The following TENM3 variants were observed in gnomAD, a reference collection of about 807,000 sequenced individuals.
TENM3 encodes the protein teneurin-3.
Under a neutral mutation model 255.1 loss-of-function variants are expected in TENM3, and 63 were observed. The observed-to-expected ratio is 0.25, with a 90% CI of 0.20 to 0.30. The LOEUF (loss-of-function observed/expected upper bound fraction) is 0.30. TENM3 is among the 10% of genes least tolerant of loss of function. The probability of loss-of-function intolerance (pLI) is 1.00; values close to 1 mark genes in which losing one functional copy is unlikely to be tolerated. For missense variants in TENM3, 2,929 were observed against 3,461.1 expected (o/e 0.85, Z 3.86); for synonymous variants, 1,306 against 1,322.3 (o/e 0.99, Z 0.27).
intron 16 of TENM3, among the ~76,000 whole-genome samples, chr4:182,734,702 G>A (rs1164444456): frequency 6.6e-6 from 1 of 152,178 alleles, no homozygotes; most frequent in African/African-American, 2.4e-5. Context: ...AGGCCTGATG[G>A]TTTATTTTCC....
At chr4:181,851,579 C>T in the TENM3 span, among the ~76,000 whole-genome samples, 1 of 152,146 alleles carries the variant, frequency 6.6e-6, no homozygotes, top group East Asian at 1.9e-4. Flanking sequence ...TGTGCATGCA[C>T]ATATACACAC....
intron 3 of TENM3, among the ~76,000 whole-genome samples, chr4:182,424,914 C>T (rs184864797): frequency 2.7e-4 from 41 of 152,088 alleles, no homozygotes; most frequent in African/African-American, 9.9e-4. Context: ...TAGATAAGCC[C>T]CAATTGAGTA....
At chr4:182,774,823 C>T (rs1481037291) in intron 23 of TENM3, 95 bp from the exon 24 acceptor site, 2 of 829,384 alleles carry the variant, frequency 2.4e-6, no homozygotes, top group Non-Finnish European at 3.8e-6. Flanking sequence ...TATTCCTAGT[C>T]AACTTTTAGA....
At chr4:181,528,016 G>A in the TENM3 span, among the ~76,000 whole-genome samples, 1 of 151,774 alleles carries the variant, frequency 6.6e-6, no homozygotes, top group Non-Finnish European at 1.5e-5. Flanking sequence ...TTTTTAAAAG[G>A]GGGGGTTAAA....
chr4:181,883,251 A>G, the TENM3 span, among the ~76,000 whole-genome samples: 1 of 152,068 alleles, frequency 6.6e-6, no homozygotes, highest in South Asian at 2.1e-4. Context: ...AACTAATACC[A>G]AAGCATTGTG....
chr4:181,882,327 G>T, the TENM3 span, among the ~76,000 whole-genome samples: 4 of 152,186 alleles, frequency 2.6e-5, no homozygotes, highest in African/African-American at 9.7e-5. Context: ...TCATCACTTT[G>T]TGTACTCTTG....
In TENM3 at chr4:182,159,455, TG is replaced by T. The variant is rs1561149129; in HGVS notation, c.-76+14702del. On this transcript the variant is annotated intron_variant, in intron 1 of 2. Coordinates refer to the TENM3 transcript ENST00000512480. ...AATGGATAGTGTGTATGAGTGTGTGTGTGTGTGTGTGTGTGTGTGTGTGTGT... is the reference window on the plus strand; with the variant it reads ...AATGGATAGTGTGTATGAGTGTGTGTTGTGTGTGTGTGTGTGTGTGTGTGT... Among the ~76,000 whole-genome samples, 834 of 90,726 alleles carry T rather than the reference TG, an allele frequency of 9.2e-3. 9 individuals are homozygous for T. Among genetic ancestry groups the T allele is most frequent in the African/African-American group, 0.015 (448 of 30,452 alleles). 59.5% of individuals were successfully genotyped at this position (90,726 alleles called of 152,430 possible).
chr4:181,751,065 C>CT, the TENM3 span, among the ~76,000 whole-genome samples: 3 of 152,118 alleles, frequency 2.0e-5, no homozygotes, highest in African/African-American at 7.2e-5. Flanking sequence ...GGCCACATGA[C>CT]TAAGTTTCAG....
At chr4:182,014,035 CAT>C in the TENM3 span, among the ~76,000 whole-genome samples, 3 of 38,658 alleles carry the variant, frequency 7.8e-5, no homozygotes, top group African/African-American at 2.0e-4. Context: ...CGTATATACA[CAT>C]ATATACGTAT....
At chr4:181,595,444 A>AAAAAAAAAC in the TENM3 span, among the ~76,000 whole-genome samples, 53,587 of 129,398 alleles carry the variant, frequency 0.41, 12,097 homozygotes, top group Non-Finnish European at 0.52. Flanking sequence ...AAAAAAAAAA[A>AAAAAAAAAC]AAAAAAAAAA....
the TENM3 span, among the ~76,000 whole-genome samples, chr4:181,766,800 A>C: frequency 3.9e-5 from 6 of 152,110 alleles, no homozygotes; most frequent in Non-Finnish European, 7.4e-5. Context: ...TTTAAGGAGA[A>C]AACAGTTCCT....
the TENM3 span, among the ~76,000 whole-genome samples, chr4:181,754,413 A>G: frequency 2.0e-5 from 3 of 152,152 alleles, no homozygotes; most frequent in Admixed American, 6.6e-5. Flanking sequence ...TCAGGAAAAT[A>G]CAAACACTAT....
chr4:181,821,196 T>C, the TENM3 span, among the ~76,000 whole-genome samples: 111,278 of 151,990 alleles, frequency 0.73, 42,502 homozygotes, highest in Non-Finnish European at 0.84. Context: ...CTGTGCTTTC[T>C]TGCTTTGGTG....
At chr4:182,705,483 G>A (rs760161290) in intron 12 of TENM3, among the ~76,000 whole-genome samples, 2 of 152,292 alleles carry the variant, frequency 1.3e-5, no homozygotes, top group African/African-American at 2.4e-5. Flanking sequence ...TCCACCAAGC[G>A]CATTGTTGAC....
chr4:182,585,588 C>T (rs1482340004), intron 3 of TENM3, among the ~76,000 whole-genome samples: 1 of 152,208 alleles, frequency 6.6e-6, no homozygotes, highest in Non-Finnish European at 1.5e-5. Context: ...TCACCAGAAA[C>T]CAACCGACCC....
In TENM3 at chr4:182,346,895, T is replaced by C; in HGVS notation, c.477T>C (p.Asp159=). The C allele has an allele frequency of 1.2e-6, 2 of 1,612,152 alleles. No homozygotes were observed. The highest frequency in any genetic ancestry group is 2.7e-5 in the African/African-American group (2 of 74,930). The change falls in exon 3 of 28, where the codon GAT becomes GAC. Residue 159 remains aspartate (D), a synonymous_variant. Coordinates refer to ENST00000511685, the MANE Select transcript of TENM3 (RefSeq NM_001080477.4). ...SRSNSALTLT[D]TEHENKSDSE... ...CCAACTCAGCCCTCACCCTGACAGATACGGAGCACGAAAACAAGTCCGACA... is the reference window on the plus strand; with the variant it reads ...CCAACTCAGCCCTCACCCTGACAGACACGGAGCACGAAAACAAGTCCGACA...
intron 2 of TENM3, among the ~76,000 whole-genome samples, chr4:182,329,963 G>T (rs1297115126): frequency 6.6e-6 from 1 of 151,680 alleles, no homozygotes; most frequent in East Asian, 1.9e-4. Flanking sequence ...CAGAGAAAAG[G>T]CAGGTTACTT....
Position 182,488,583 on chromosome 4 carries a change from T to G in TENM3, c.512-112341T>G, listed in dbSNP as rs569005346. On this transcript the variant is annotated intron_variant, in intron 3 of 27. Coordinates refer to ENST00000511685, the MANE Select transcript of TENM3 (RefSeq NM_001080477.4). ...CTTGTATAGAAAGCCATATAAGGAG[T>G]CAAGCCAAGAAAACAAAGGAAGAAA... is the stretch of plus-strand genomic sequence containing the variant. 7.3e-4 allele frequency among the ~76,000 whole-genome samples: 111 copies of G among 151,816 alleles called. 1 individual carries two copies. Among genetic ancestry groups the G allele is most frequent in the African/African-American group, 2.5e-3 (104 of 41,382 alleles).
chr4:181,999,884 A>T, the TENM3 span, among the ~76,000 whole-genome samples: 1 of 152,182 alleles, frequency 6.6e-6, no homozygotes, highest in Non-Finnish European at 1.5e-5. Context: ...AAGAGCAGCA[A>T]TTCATTAACT....
Sources: allele counts gnomAD v4.1 joint callset (sites outside exome capture counted in the v4.1 genomes callset), GRCh38; gene constraint gnomAD v4.1.1; transcripts MANE v1.5; gene names NCBI Gene and HGNC (gene_info 2026-07-23, HGNC 2026-07-21).